FGF14: variants seen among roughly 807,000 people sequenced by gnomAD.
FGF14 encodes fibroblast growth factor homologous factor 4.
Under a neutral mutation model 25.5 loss-of-function variants are expected in FGF14, and 5 were observed. The ratio of observed to expected loss-of-function variants is 0.20; its 90% CI spans 0.10 to 0.41. The LOEUF is 0.41. Ranked by LOEUF, FGF14 falls within the 10% of genes least tolerant of loss-of-function variation. The pLI is 1.00. For missense variants in FGF14, 222 were observed against 320.1 expected (o/e 0.69, Z 2.34); for synonymous variants, 138 against 118.3 (o/e 1.17, Z -1.08).
intron 1 of FGF14, among the ~76,000 whole-genome samples, chr13:102,338,635 CA>C (rs1481713201): frequency 1.2e-4 from 18 of 152,122 alleles, no homozygotes; most frequent in African/African-American, 4.1e-4. Context: ...CTGAAAAATT[CA>C]AATAATCTAT....
At chr13:101,812,626 TATATATATATATATATATATATA>T (rs1566930981) in intron 3 of FGF14, among the ~76,000 whole-genome samples, 43 of 9,864 alleles carry the variant, frequency 4.4e-3, no homozygotes, top group East Asian at 0.032. Context: ...TATATATATA[TATATATATATATATATATATATA>T]TATATTTTTT....
At chr13:101,912,283 C>T (rs2033025496) in intron 1 of FGF14, among the ~76,000 whole-genome samples, 1 of 152,074 alleles carries the variant, frequency 6.6e-6, no homozygotes, top group South Asian at 2.1e-4. Flanking sequence ...GTAAGAAGCC[C>T]AGGCACCTGC....
intron 1 of FGF14, among the ~76,000 whole-genome samples, chr13:102,006,917 T>TGTATTTTTA (rs1472728344): frequency 6.6e-6 from 1 of 150,762 alleles, no homozygotes; most frequent in Non-Finnish European, 1.5e-5. Flanking sequence ...GCTAATTTTT[T>TGTATTTTTA]GTATTTTTAG....
chr13:101,863,131 T>C (rs1372279756), intron 3 of FGF14, among the ~76,000 whole-genome samples: 1 of 152,170 alleles, frequency 6.6e-6, no homozygotes, highest in Non-Finnish European at 1.5e-5. Context: ...ATTGTTATAA[T>C]AATTGGAGAC....
rs985267509 is a variant in FGF14 at position 101,721,608 on chromosome 13, T to C, written c.*1223A>G. 1 of 151,898 alleles carries C rather than the reference T, an allele frequency of 6.6e-6. No homozygotes were observed. Among genetic ancestry groups the C allele is most frequent in the Admixed American group, 6.6e-5 (1 of 15,248 alleles). 9.4% of individuals were successfully genotyped at this position (151,898 alleles called of 1,614,324 possible). A position where few individuals can be genotyped will look rare whatever the true frequency, so the allele number is the denominator to read the frequency against. ...GCTGAGCTAAAAAAAATATTTTTCC[T>C]AATATGTCCAGTTTAAAAACTTGTC... On this transcript the variant is annotated 3_prime_UTR_variant, in exon 5 of 5. Coordinates refer to ENST00000376143, the MANE Select transcript of FGF14 (RefSeq NM_004115.4).
chr13:101,981,173 G>T (rs372028960), intron 1 of FGF14, among the ~76,000 whole-genome samples: 1 of 151,176 alleles, frequency 6.6e-6, no homozygotes, highest in African/African-American at 2.4e-5. Flanking sequence ...CCAGCTACTC[G>T]GGAGGCTGAG....
chr13:102,199,658 A>C (rs1388768416), intron 1 of FGF14, among the ~76,000 whole-genome samples: 3 of 151,894 alleles, frequency 2.0e-5, no homozygotes, highest in Admixed American at 6.6e-5. Context: ...CCTCTAACCC[A>C]CCTCTCTGAT....
At chr13:102,247,297 C>G (rs1202778111) in intron 1 of FGF14, among the ~76,000 whole-genome samples, 1 of 151,960 alleles carries the variant, frequency 6.6e-6, no homozygotes. Flanking sequence ...AGTGAACAGA[C>G]AACCTACAGG....
chr13:102,296,498 CAACTAAATTTT>C (rs2054720247), intron 1 of FGF14, among the ~76,000 whole-genome samples: 1 of 152,076 alleles, frequency 6.6e-6, no homozygotes, highest in Non-Finnish European at 1.5e-5. Flanking sequence ...AGGCAATTAG[CAACTAAATTTT>C]TGCTAAGTGC....
intron 1 of FGF14, among the ~76,000 whole-genome samples, chr13:102,135,919 G>A (rs781249453): frequency 4.6e-5 from 7 of 151,964 alleles, no homozygotes; most frequent in Non-Finnish European, 8.8e-5. Flanking sequence ...GCCTCCCAAA[G>A]TGTTGGGATT....
intron 1 of FGF14, among the ~76,000 whole-genome samples, chr13:102,032,180 T>C (rs1349818068): frequency 1.3e-5 from 2 of 152,128 alleles, no homozygotes; most frequent in African/African-American, 4.8e-5. Flanking sequence ...GGAGCTTATA[T>C]CCACATTGGA....
intron 1 of FGF14, among the ~76,000 whole-genome samples, chr13:102,216,317 C>G (rs953389977): frequency 1.3e-5 from 2 of 152,094 alleles, no homozygotes; most frequent in Admixed American, 6.5e-5. Context: ...ATGATCTTAA[C>G]CAAGTCGCTC....
At chr13:102,322,336 C>T (rs1252686284) in intron 1 of FGF14, among the ~76,000 whole-genome samples, 2 of 152,098 alleles carry the variant, frequency 1.3e-5, no homozygotes, top group African/African-American at 4.8e-5. Flanking sequence ...TGTACCTTGG[C>T]ATAGAGTGCA....
chr13:102,060,302 G>T (rs141051320), intron 1 of FGF14, among the ~76,000 whole-genome samples: 2 of 152,038 alleles, frequency 1.3e-5, no homozygotes, highest in African/African-American at 4.8e-5. Flanking sequence ...GAGGCCGGGG[G>T]ATCATGAGGT....
chr13:102,314,512 C>T (rs2055925384), intron 1 of FGF14, among the ~76,000 whole-genome samples: 1 of 152,266 alleles, frequency 6.6e-6, no homozygotes, highest in East Asian at 1.9e-4. Context: ...TTTCCAGATA[C>T]TGTACTAGAT....
At chr13:102,120,638 A>G (rs1039805156) in intron 1 of FGF14, among the ~76,000 whole-genome samples, 1 of 152,068 alleles carries the variant, frequency 6.6e-6, no homozygotes, top group African/African-American at 2.4e-5. Context: ...ATGGTCCACA[A>G]CCTGTAAGAG....
At chr13:101,976,486 T>C (rs79586607) in intron 1 of FGF14, among the ~76,000 whole-genome samples, 2,615 of 152,296 alleles carry the variant, frequency 0.017, 74 homozygotes, top group African/African-American at 0.06. Flanking sequence ...AAATCAACTT[T>C]TATTTTAGAT....
At chr13:102,105,098 T>C (rs958681726) in intron 1 of FGF14, among the ~76,000 whole-genome samples, 11 of 152,158 alleles carry the variant, frequency 7.2e-5, no homozygotes, top group Admixed American at 3.9e-4. Flanking sequence ...TGCCCCACTA[T>C]TGTGATGGAG....
At chr13:101,900,425 C>T (rs1016304834) in intron 1 of FGF14, among the ~76,000 whole-genome samples, 6 of 151,654 alleles carry the variant, frequency 4.0e-5, no homozygotes, top group South Asian at 2.1e-4. Context: ...TTTAATACAC[C>T]CAAACGAAAC....
Sources: allele counts gnomAD v4.1 joint callset (sites outside exome capture counted in the v4.1 genomes callset), GRCh38; gene constraint gnomAD v4.1.1; transcripts MANE v1.5; gene names NCBI Gene and HGNC (gene_info 2026-07-23, HGNC 2026-07-21).